CCSER1: variants seen among roughly 807,000 people sequenced by gnomAD.
CCSER1 encodes the protein coiled-coil serine rich protein 1.
A neutral mutation model predicts 82.0 loss-of-function variants in CCSER1; 41 were observed. The observed-to-expected ratio is 0.50, with a 90% confidence interval of 0.39 to 0.65. CCSER1 has a LOEUF of 0.65. CCSER1 is among the 30% of genes least tolerant of loss of function. CCSER1 has a pLI of 0.00. For missense variants in CCSER1, 1,119 were observed against 1,064.2 expected (o/e 1.05, Z -0.72); for synonymous variants, 414 against 383.9 (o/e 1.08, Z -0.92).
At chr4:91,395,671 T>A (rs191395584) in intron 10 of CCSER1, among the ~76,000 whole-genome samples, 10 of 152,158 alleles carry the variant, frequency 6.6e-5, no homozygotes, top group Admixed American at 2.0e-4. Flanking sequence ...GTGTTTTTTT[T>A]ATATCACAGG....
intron 6 of CCSER1, among the ~76,000 whole-genome samples, chr4:90,669,294 T>C (rs1255820309): frequency 1.3e-5 from 2 of 152,028 alleles, no homozygotes; most frequent in African/African-American, 4.8e-5. Flanking sequence ...TATTAAAATA[T>C]ATGGTCTCAT....
intron 9 of CCSER1, among the ~76,000 whole-genome samples, chr4:90,967,045 G>T (rs1370681852): frequency 6.6e-6 from 1 of 152,032 alleles, no homozygotes; most frequent in Non-Finnish European, 1.5e-5. Flanking sequence ...CTGGCATAAG[G>T]TCAGAGAGAT....
At chr4:90,561,668 G>T (rs887535768) in intron 5 of CCSER1, among the ~76,000 whole-genome samples, 1 of 152,038 alleles carries the variant, frequency 6.6e-6, no homozygotes, top group African/African-American at 2.4e-5. Flanking sequence ...ACTTCCTCTG[G>T]GCTTCCCTGT....
rs1307581952 is a variant in CCSER1, at chr4:91,602,992, G to A, written c.*3935G>A. Reference sequence around the variant, plus strand: ...TTTCAATCACATGTAATATTCTTGGGAAATTTACCTCTCCTAGAGTTTAAG... The same window carrying A: ...TTTCAATCACATGTAATATTCTTGGAAAATTTACCTCTCCTAGAGTTTAAG... On this transcript the variant is annotated 3_prime_UTR_variant, in exon 11 of 11. Coordinates refer to ENST00000509176, the MANE Select transcript of CCSER1 (RefSeq NM_001145065.2). 3.3e-5 allele frequency among the ~76,000 whole-genome samples: 5 copies of A among 151,928 alleles called. No individual in the cohort carries two copies.
At chr4:90,454,228 GTTTTTTTT>G in intron 4 of CCSER1, among the ~76,000 whole-genome samples, 1 of 128,848 alleles carries the variant, frequency 7.8e-6, no homozygotes, top group South Asian at 2.6e-4. Context: ...TTTGTTTCAT[GTTTTTTTT>G]TTTTTTTTTG....
At chr4:91,189,868 G>C (rs1012855165) in intron 10 of CCSER1, among the ~76,000 whole-genome samples, 4 of 151,860 alleles carry the variant, frequency 2.6e-5, no homozygotes, top group African/African-American at 9.7e-5. Flanking sequence ...TGAGAGATTT[G>C]AGTTTATAAA....
intron 10 of CCSER1, among the ~76,000 whole-genome samples, chr4:91,567,763 CAT>C (rs1241405702): frequency 6.6e-6 from 1 of 151,952 alleles, no homozygotes; most frequent in East Asian, 1.9e-4. Context: ...ACTGTTATTA[CAT>C]GTGAGATGGG....
chr4:91,005,252 T>C (rs956021999), intron 9 of CCSER1, among the ~76,000 whole-genome samples: 21 of 152,232 alleles, frequency 1.4e-4, no homozygotes, highest in African/African-American at 4.6e-4. Flanking sequence ...CAAGTCCTTC[T>C]GTCAGATGAG....
At position 91,410,799 on chromosome 4, in the gene CCSER1, CT is replaced by C. The variant is rs1022382765; in HGVS notation, c.2218-187766del. ...TTAGGAATTATTTATTTTAATACAG[CT>C]TTTTTTCTAAATGTTTTATAAGCAT... On this transcript the variant is annotated intron_variant, in intron 10 of 10. Coordinates refer to ENST00000509176, the MANE Select transcript of CCSER1 (RefSeq NM_001145065.2). Among the ~76,000 whole-genome samples, 14 of 152,054 alleles carry C rather than the reference CT, an allele frequency of 9.2e-5. 1 individual carries two copies. In the South Asian group the frequency reaches 2.9e-3, roughly 32 times the overall value.
At chr4:90,643,733 C>T (rs1579666485) in intron 6 of CCSER1, among the ~76,000 whole-genome samples, 1 of 152,016 alleles carries the variant, frequency 6.6e-6, no homozygotes, top group South Asian at 2.1e-4. Context: ...CTTAGATCTA[C>T]AAAAATTTAA....
At chr4:90,206,084 C>G (rs988873553) in intron 1 of CCSER1, among the ~76,000 whole-genome samples, 13 of 138,548 alleles carry the variant, frequency 9.4e-5, no homozygotes, top group Admixed American at 3.7e-4. Context: ...TGATTCTTCT[C>G]TCTTTTCTTC....
At chr4:90,634,029 C>A (rs760958590) in intron 6 of CCSER1, among the ~76,000 whole-genome samples, 1 of 151,638 alleles carries the variant, frequency 6.6e-6, no homozygotes, top group Admixed American at 6.6e-5. Flanking sequence ...AGAACTCTAT[C>A]ATTTTTTTCT....
chr4:91,013,128 G>A (rs946086581), intron 9 of CCSER1, among the ~76,000 whole-genome samples: 3 of 134,476 alleles, frequency 2.2e-5, no homozygotes, highest in Non-Finnish European at 5.2e-5. Context: ...TCAAGGGAAC[G>A]AAAGATAAGG....
At chr4:91,324,191 G>A (rs765506946) in intron 10 of CCSER1, among the ~76,000 whole-genome samples, 3 of 151,812 alleles carry the variant, frequency 2.0e-5, no homozygotes, top group Non-Finnish European at 4.4e-5. Context: ...ATACATATAA[G>A]GTTTTATTTT....
At chr4:91,112,004 T>C (rs1201838456) in intron 10 of CCSER1, among the ~76,000 whole-genome samples, 1 of 152,092 alleles carries the variant, frequency 6.6e-6, no homozygotes, top group East Asian at 1.9e-4. Flanking sequence ...TGAAAGGACA[T>C]TCAAATATGC....
chr4:90,663,072 T>G (rs1188688094), intron 6 of CCSER1, among the ~76,000 whole-genome samples: 2 of 152,206 alleles, frequency 1.3e-5, no homozygotes, highest in Non-Finnish European at 2.9e-5. Context: ...GAGTTGATTT[T>G]CTGATTTTTA....
intron 10 of CCSER1, among the ~76,000 whole-genome samples, chr4:91,137,346 A>C (rs1353123785): frequency 4.5e-4 from 33 of 72,710 alleles, no homozygotes; most frequent in African/African-American, 1.3e-3. Context: ...TGAAATCATC[A>C]TTTTTTATGG....
intron 10 of CCSER1, among the ~76,000 whole-genome samples, chr4:91,436,605 T>G (rs1465170440): frequency 6.6e-6 from 1 of 152,208 alleles, no homozygotes; most frequent in Non-Finnish European, 1.5e-5. Flanking sequence ...ATGCTGCCAA[T>G]GTTAATAATC....
chr4:91,087,232 C>T (rs1423297142), intron 10 of CCSER1, among the ~76,000 whole-genome samples: 1 of 152,076 alleles, frequency 6.6e-6, no homozygotes, highest in Non-Finnish European at 1.5e-5. Context: ...TAGGGACATA[C>T]TAAGTGGAGT....
Sources: allele counts gnomAD v4.1 joint callset (sites outside exome capture counted in the v4.1 genomes callset), GRCh38; gene constraint gnomAD v4.1.1; transcripts MANE v1.5; gene names NCBI Gene and HGNC (gene_info 2026-07-23, HGNC 2026-07-21).